ABI3BP: variants seen among roughly 807,000 people sequenced by gnomAD.
ABI3BP encodes the protein target of Nesh-SH3.
ABI3BP carries 216 observed loss-of-function variants against 268.6 expected under a neutral mutation model. The ratio of observed to expected loss-of-function variants is 0.80; its 90% CI spans 0.72 to 0.90. ABI3BP has a LOEUF of 0.90. ABI3BP is among the 40% of genes least tolerant of loss of function. The pLI, the probability that ABI3BP is intolerant of heterozygous loss-of-function variation, is 0.00. For missense variants in ABI3BP, 2,090 were observed against 2,182.4 expected, an observed-to-expected ratio of 0.96 and a Z score of 0.84; for synonymous variants, 730 against 730.0, an observed-to-expected ratio of 1.00 and a Z score of 0.00.
At position 100,804,876 on chromosome 3, in the gene ABI3BP, A is replaced by G. The variant is rs2097656508; in HGVS notation, c.3683-10T>C. On this transcript the variant is annotated splice_polypyrimidine_tract_variant and intron_variant, in intron 50 of 67. Transcript: ENST00000471714. ...TGGGGCACCTTAGGAACTGAAAGAG[A>G]GAACTCATATTGTAAGTCATTTGGT... is the stretch of plus-strand genomic sequence containing the variant. The G allele has an allele frequency of 6.2e-7, 1 of 1,611,276 alleles. No individual in the cohort carries two copies. The highest frequency in any genetic ancestry group is 8.5e-7 in the Non-Finnish European group (1 of 1,177,720).
chr3:100,924,181 T>C (rs975359630), intron 2 of ABI3BP, among the ~76,000 whole-genome samples: 2 of 152,012 alleles, frequency 1.3e-5, no homozygotes, highest in African/African-American at 4.8e-5. Context: ...TGACCCAATT[T>C]CTCTAGAAAT....
chr3:100,842,349 A>T (rs1188244692), intron 20 of ABI3BP, among the ~76,000 whole-genome samples: 1 of 152,148 alleles, frequency 6.6e-6, no homozygotes, highest in Non-Finnish European at 1.5e-5. Context: ...GTGTCCTGTC[A>T]CCTGATATTT....
chr3:100,754,559 C>G (rs2095517453), intron 64 of ABI3BP, 53 bp downstream of exon 64: 1 of 1,485,504 alleles, frequency 6.7e-7, no homozygotes. Context: ...CAAAACATTG[C>G]TCCACTGTGG....
At position 100,749,462 on chromosome 3, in the gene ABI3BP, ACAGTGCAG is replaced by A; in HGVS notation, c.*1025_*1032del. The A allele has an allele frequency of 2.5e-6, 1 of 393,696 alleles. No individual in the cohort carries two copies. Among genetic ancestry groups the A allele is most frequent in the African/African-American group, 2.1e-5 (1 of 48,634 alleles). 24.4% of individuals were successfully genotyped at this position (393,696 alleles called of 1,614,324 possible). On this transcript the variant is annotated 3_prime_UTR_variant, in exon 68 of 68. Transcript: ENST00000471714. ...GAAAGGTCCTTTCAGAATGACTGCA[ACAGTGCAG>A]CAAGGATTCCCATTCCCCGCCTAAA...
intron 3 of ABI3BP, among the ~76,000 whole-genome samples, chr3:100,899,634 C>T (rs1017308204): frequency 6.6e-6 from 1 of 152,174 alleles, no homozygotes; most frequent in Non-Finnish European, 1.5e-5. Context: ...TCAAAATTAT[C>T]TGAAACTGCA....
chr3:100,862,687 T>A (rs960493970), intron 13 of ABI3BP, 151 bp downstream of exon 13: 46 of 627,218 alleles, frequency 7.3e-5, no homozygotes, highest in Non-Finnish European at 1.1e-4. Context: ...AAAATCCAAA[T>A]AGATTTATTA....
chr3:100,819,777 C>T (rs2098153571), intron 40 of ABI3BP, among the ~76,000 whole-genome samples: 2 of 151,596 alleles, frequency 1.3e-5, no homozygotes, highest in South Asian at 4.2e-4. Context: ...TGGTGAAACC[C>T]GTCTCTACTG....
intron 2 of ABI3BP, chr3:100,914,417 A>G: frequency 2.2e-6 from 1 of 455,672 alleles, no homozygotes; most frequent in Non-Finnish European, 4.4e-6. Flanking sequence ...ACTAAAGGTT[A>G]AACTACTCAC....
intron 1 of ABI3BP, among the ~76,000 whole-genome samples, chr3:100,947,735 G>A (rs2073140896): frequency 6.6e-6 from 1 of 152,086 alleles, no homozygotes; most frequent in Non-Finnish European, 1.5e-5. Context: ...GGAGTAAGTT[G>A]AAGTTGAGAT....
intron 2 of ABI3BP, among the ~76,000 whole-genome samples, chr3:100,906,523 T>C (rs2053519369): frequency 6.6e-6 from 1 of 152,226 alleles, no homozygotes; most frequent in Non-Finnish European, 1.5e-5. Context: ...AGCCTGGAAA[T>C]ATATACATTG....
At chr3:100,979,305 C>T (rs1050479103) in intron 1 of ABI3BP, among the ~76,000 whole-genome samples, 1 of 152,194 alleles carries the variant, frequency 6.6e-6, no homozygotes, top group Non-Finnish European at 1.5e-5. Flanking sequence ...ATCTAATTAT[C>T]TTCCACAACC....
chr3:100,897,630 T>A lies in ABI3BP; in HGVS notation c.461+1132A>T, dbSNP rs188654987. Among the ~76,000 whole-genome samples, 271 of 152,302 alleles carry A rather than the reference T, an allele frequency of 1.8e-3. 1 individual carries two copies. Among genetic ancestry groups the A allele is most frequent in the African/African-American group, 6.1e-3 (255 of 41,576 alleles). ...CAAAACTAATCTATGGTGATAGAAA[T>A]CAAATCAATGGTTGTTTCTGGAGGA... On this transcript the variant is annotated intron_variant, in intron 4 of 67. Coordinates refer to ENST00000471714, the MANE Select transcript of ABI3BP (RefSeq NM_001375547.2).
rs376716404 is a variant in ABI3BP at position 100,905,672 on chromosome 3, A to G, written c.260-2986T>C. Among the ~76,000 whole-genome samples the G allele has an allele frequency of 1.7e-3, 253 of 152,304 alleles. 11 individuals are homozygous for G. In the South Asian group the frequency reaches 0.051, roughly 31 times the overall value. On this transcript the variant is annotated intron_variant, in intron 2 of 67. Transcript: ENST00000471714. ...ATTTCCACTATTCTGGTAGGAACAA[A>G]ATGCATATGCATATATGTATAAACT...
intron 1 of ABI3BP, among the ~76,000 whole-genome samples, chr3:100,949,497 A>G (rs2074013766): frequency 6.6e-6 from 1 of 152,142 alleles, no homozygotes; most frequent in African/African-American, 2.4e-5. Flanking sequence ...AACACTTGGC[A>G]TCAAGGGATC....
At chr3:100,874,694 T>C (rs559925700) in intron 9 of ABI3BP, 147 bp downstream of exon 9, 5 of 464,208 alleles carry the variant, frequency 1.1e-5, no homozygotes, top group African/African-American at 9.7e-5. Flanking sequence ...TTATAATGAA[T>C]ACCTCCAACA....
chr3:100,890,127 G>A (rs552251125), intron 4 of ABI3BP, among the ~76,000 whole-genome samples: 4 of 152,004 alleles, frequency 2.6e-5, no homozygotes, highest in Non-Finnish European at 4.4e-5. Flanking sequence ...GTCCTTCTAC[G>A]AACTACCCCA....
At chr3:100,834,549 T>C (rs761986665) in intron 29 of ABI3BP, 135 bp downstream of exon 29, 3 of 723,014 alleles carry the variant, frequency 4.1e-6, no homozygotes, top group Non-Finnish European at 4.6e-6. Context: ...GAGCACTGTG[T>C]TGGTAGCAGC....
At chr3:100,910,342 G>A (rs2055780725) in intron 2 of ABI3BP, among the ~76,000 whole-genome samples, 1 of 151,844 alleles carries the variant, frequency 6.6e-6, no homozygotes, top group African/African-American at 2.4e-5. Context: ...AAACCACCAT[G>A]GCACTTGTAT....
At chr3:100,803,592 A>G (rs79036406) in intron 51 of ABI3BP, among the ~76,000 whole-genome samples, 3,152 of 115,798 alleles carry the variant, frequency 0.027, 471 homozygotes, top group Non-Finnish European at 0.056. Flanking sequence ...AAAAAACTTA[A>G]CTATTCAATA....
Sources: allele counts gnomAD v4.1 joint callset (sites outside exome capture counted in the v4.1 genomes callset), GRCh38; gene constraint gnomAD v4.1.1; transcripts MANE v1.5; gene names NCBI Gene and HGNC (gene_info 2026-07-23, HGNC 2026-07-21).